PRTFDC1: variants seen among roughly 807,000 people sequenced by gnomAD.
PRTFDC1 encodes phosphoribosyltransferase domain-containing protein 1.
PRTFDC1 carries 38 observed loss-of-function variants against 34.6 expected under a neutral mutation model. That is an observed-to-expected ratio of 1.10 (90% CI 0.85 to 1.44). The LOEUF is 1.44. Ranked by LOEUF, PRTFDC1 falls within the 40% of genes most tolerant of loss-of-function variation. The pLI is 0.00. For missense variants in PRTFDC1, 270 were observed against 283.0 expected (o/e 0.95, Z 0.33); for synonymous variants, 93 against 98.1 (o/e 0.95, Z 0.31).
chr10:24,870,576 A>G (rs1847853531), intron 4 of PRTFDC1, among the ~76,000 whole-genome samples: 2 of 152,192 alleles, frequency 1.3e-5, no homozygotes, highest in Admixed American at 1.3e-4. Flanking sequence ...AGACCACTCC[A>G]GGGTCGTTAA....
At chr10:24,884,779 G>A (rs1848136769) in intron 3 of PRTFDC1, among the ~76,000 whole-genome samples, 1 of 152,132 alleles carries the variant, frequency 6.6e-6, no homozygotes, top group Non-Finnish European at 1.5e-5. Flanking sequence ...AAGGGATATT[G>A]GCCATCCTAA....
chr10:24,911,636 G>A (rs925807468), intron 3 of PRTFDC1, among the ~76,000 whole-genome samples: 2 of 152,144 alleles, frequency 1.3e-5, no homozygotes, highest in Non-Finnish European at 2.9e-5. Flanking sequence ...GGGAGGCCCA[G>A]GCAGGTGGAT....
chr10:24,871,992 A>G lies in PRTFDC1; in HGVS notation c.405+6T>C, dbSNP rs549651854. 5 of 1,607,172 alleles carry G rather than the reference A, an allele frequency of 3.1e-6. No homozygotes were observed. Among genetic ancestry groups the G allele is most frequent in the African/African-American group, 2.7e-5 (2 of 74,838 alleles). ...ATGCGGTCTGAGCACAGTTACATGA[A>G]CAAACCTTTCCAGCCAGCGTTGAAA... On this transcript the variant is annotated splice_donor_region_variant and intron_variant, in intron 4 of 8. Coordinates refer to ENST00000320152, the MANE Select transcript of PRTFDC1 (RefSeq NM_020200.7).
intron 3 of PRTFDC1, among the ~76,000 whole-genome samples, chr10:24,926,830 T>G (rs1455199834): frequency 6.6e-6 from 1 of 152,230 alleles, no homozygotes; most frequent in African/African-American, 2.4e-5. Context: ...CCCAGAGTGA[T>G]CTCTCAACAC....
At chr10:24,852,823 T>A (rs766865853) in intron 7 of PRTFDC1, among the ~76,000 whole-genome samples, 1 of 152,118 alleles carries the variant, frequency 6.6e-6, no homozygotes, top group Non-Finnish European at 1.5e-5. Flanking sequence ...GGCAAAGTCA[T>A]CTCCACAGTG....
chr10:24,905,108 A>T (rs966128022), intron 3 of PRTFDC1, among the ~76,000 whole-genome samples: 11 of 151,500 alleles, frequency 7.3e-5, no homozygotes, highest in African/African-American at 2.2e-4. Context: ...GGAGTTTTAA[A>T]CCAGCCTGGA....
In PRTFDC1 at chr10:24,937,183, C is replaced by A; in HGVS notation, c.339+1G>T. On this transcript the variant is annotated splice_donor_variant, in intron 3 of 8. Coordinates refer to ENST00000320152, the MANE Select transcript of PRTFDC1 (RefSeq NM_020200.7). LOFTEE classifies it high-confidence loss of function. Reference sequence around the variant, plus strand: ...ATAAAGCGGAACTTGTAATAACTTACCCTGTAACTTTTTAGTCTGATGAAA... The same window carrying A: ...ATAAAGCGGAACTTGTAATAACTTAACCTGTAACTTTTTAGTCTGATGAAA... 1 of 1,608,256 alleles carries A rather than the reference C, an allele frequency of 6.2e-7. No homozygotes were observed. Among genetic ancestry groups the A allele is most frequent in the Non-Finnish European group, 8.5e-7 (1 of 1,176,686 alleles).
chr10:24,906,365 A>G (rs2132560876), intron 3 of PRTFDC1, among the ~76,000 whole-genome samples: 1 of 152,320 alleles, frequency 6.6e-6, no homozygotes, highest in South Asian at 2.1e-4. Context: ...TCTGAGGTCA[A>G]GATACCCCTG....
chr10:24,937,401 A>C lies in PRTFDC1; in HGVS notation c.156-34T>G, dbSNP rs551413981. 3.8e-4 allele frequency: 585 copies of C among 1,557,818 alleles called. 10 individuals carry two copies. The South Asian group carries it at 6.4e-3, about 17-fold the overall frequency. ...AGGATAAAAGATATATTAAGGCACAACTACTTCTGAGTATTTATGTTGCTT... is the reference window on the plus strand; with the variant it reads ...AGGATAAAAGATATATTAAGGCACACCTACTTCTGAGTATTTATGTTGCTT... On this transcript the variant is annotated intron_variant, in intron 2 of 8. Transcript: ENST00000320152.
At chr10:24,872,883 T>C (rs1392107296) in intron 3 of PRTFDC1, among the ~76,000 whole-genome samples, 1 of 148,466 alleles carries the variant, frequency 6.7e-6, no homozygotes, top group African/African-American at 2.5e-5. Flanking sequence ...TCCTAGCTCA[T>C]TGCAGCCTCA....
chr10:24,932,933 G>A (rs891618902), intron 3 of PRTFDC1, among the ~76,000 whole-genome samples: 2 of 152,088 alleles, frequency 1.3e-5, no homozygotes, highest in African/African-American at 4.8e-5. Flanking sequence ...AGATCTGATA[G>A]TGTCCAGAAA....
intron 3 of PRTFDC1, among the ~76,000 whole-genome samples, chr10:24,915,961 T>C (rs1365163578): frequency 6.6e-6 from 1 of 152,168 alleles, no homozygotes; most frequent in Non-Finnish European, 1.5e-5. Context: ...TCCAGACTGG[T>C]ATATCCAACT....
At chr10:24,906,610 C>T (rs142545059) in intron 3 of PRTFDC1, among the ~76,000 whole-genome samples, 1 of 152,270 alleles carries the variant, frequency 6.6e-6, no homozygotes, top group East Asian at 1.9e-4. Context: ...GTAGATCACA[C>T]AAAAGCTGTC....
chr10:24,899,245 T>C (rs1342120550), intron 3 of PRTFDC1, among the ~76,000 whole-genome samples: 2 of 152,132 alleles, frequency 1.3e-5, no homozygotes, highest in African/African-American at 4.8e-5. Context: ...CACCCCCCAA[T>C]TTGTGTCTCC....
At chr10:24,933,028 A>G (rs1848993522) in intron 3 of PRTFDC1, among the ~76,000 whole-genome samples, 1 of 152,122 alleles carries the variant, frequency 6.6e-6, no homozygotes. Flanking sequence ...CTTTTTGGCA[A>G]ATAATCCTGG....
intron 4 of PRTFDC1, 65 bp downstream of exon 4, chr10:24,871,933 C>T (rs1381285228): frequency 2.0e-5 from 29 of 1,424,370 alleles, no homozygotes; most frequent in Non-Finnish European, 2.7e-5. Context: ...GAGTGCTGAC[C>T]TGAAATGCAG....
intron 3 of PRTFDC1, among the ~76,000 whole-genome samples, chr10:24,873,109 C>T (rs781640647): frequency 5.9e-5 from 9 of 152,034 alleles, no homozygotes; most frequent in East Asian, 3.9e-4. Flanking sequence ...TACAGATAGG[C>T]GCCACCATGC....
chr10:24,914,380 G>C (rs1848665763), intron 3 of PRTFDC1, among the ~76,000 whole-genome samples: 1 of 152,126 alleles, frequency 6.6e-6, no homozygotes, highest in Non-Finnish European at 1.5e-5. Flanking sequence ...TCTATTTTGT[G>C]AACTAGGGAG....
At chr10:24,928,585 A>T (rs1424895187) in intron 3 of PRTFDC1, among the ~76,000 whole-genome samples, 1 of 152,086 alleles carries the variant, frequency 6.6e-6, no homozygotes, top group East Asian at 2.0e-4. Flanking sequence ...CTGGGATTAC[A>T]CGTGCCCACC....
Sources: allele counts gnomAD v4.1 joint callset (sites outside exome capture counted in the v4.1 genomes callset), GRCh38; gene constraint gnomAD v4.1.1; transcripts MANE v1.5; gene names NCBI Gene and HGNC (gene_info 2026-07-23, HGNC 2026-07-21).